The following EPN1 variants were observed in gnomAD, a reference collection of about 807,000 sequenced individuals.
EPN1 encodes epsin 1, also known as epsin-1.
In EPN1, 25 loss-of-function variants were observed where a neutral mutation model predicts 56.9. The observed-to-expected ratio is 0.44, with a 90% confidence interval of 0.32 to 0.61. The LOEUF (loss-of-function observed/expected upper bound fraction) is 0.61, where lower values mean the gene tolerates loss of function less well. EPN1 is among the 20% of genes least tolerant of loss of function. The pLI is 0.05. For synonymous variants in EPN1, 411 were observed against 361.8 expected (o/e 1.14, Z -1.54); for missense variants, 785 against 823.7 (o/e 0.95, Z 0.58).
At chr19:55,692,566 G>A in intron 7 of EPN1, 120 bp from the exon 8 acceptor site, 1 of 612,992 alleles carries the variant, frequency 1.6e-6, no homozygotes, top group Non-Finnish European at 2.8e-6. Context: ...GGGTGGGGTG[G>A]GTTTCTGGGG....
intron 7 of EPN1, 112 bp downstream of exon 7, chr19:55,692,169 G>T (rs1195923673): frequency 9.2e-7 from 1 of 1,084,914 alleles, no homozygotes. Context: ...GCAGTGGTGG[G>T]GCGTCCTGGG....
At position 55,691,989 on chromosome 19, in the gene EPN1, C is replaced by A; in HGVS notation, c.998C>A (p.Pro333His). The A allele has an allele frequency of 6.7e-7, 1 of 1,491,782 alleles. No homozygotes were observed. Among genetic ancestry groups the A allele is most frequent in the African/African-American group, 1.4e-5 (1 of 71,056 alleles). The allele number at this position is 1,491,782 out of a possible 1,614,324, so 92.4% of individuals were successfully genotyped here. ...GCCCCTGCAGGACCCTCAGTTGACCCTTGGGGTGGGACCCCAGCCCCTGCA... is the reference window on the plus strand; with the variant it reads ...GCCCCTGCAGGACCCTCAGTTGACCATTGGGGTGGGACCCCAGCCCCTGCA... The part of the protein sequence containing the change: ...PAAPAGPSVD[P>H]WGGTPAPAAG... Residue 333 changes from proline to histidine, a missense_variant, in exon 7 of 11, where the codon CCT (proline) becomes CAT (histidine). This residue lies in a region of EPN1 where 650 missense variants were observed against 605.0 expected (regional missense o/e 1.07). Coordinates refer to ENST00000270460, the MANE Select transcript of EPN1 (RefSeq NM_001130072.2). This position sits in a 1 kb window ranked among gnomAD's most constrained non-coding sequence, Gnocchi z 5.6.
rs374441284 is a variant in EPN1 at position 55,688,918 on chromosome 19, C to T, written c.527C>T (p.Ala176Val). 17 of 1,588,220 alleles carry T rather than the reference C, an allele frequency of 1.1e-5. No individual in the cohort carries two copies. Among genetic ancestry groups the T allele is most frequent in the African/African-American group, 1.3e-5 (1 of 74,548 alleles). The change falls in exon 4 of 11, where the codon GCG becomes GTG. Residue 176 changes from alanine to valine, a missense_variant. Around this residue, in one of 2 missense-constraint regions of EPN1, gnomAD observed 650 missense variants for 605.0 expected, o/e 1.07. Transcript: ENST00000270460. The stretch of plus-strand genomic sequence containing the variant: ...GGCCCCCCTCCCGAGGCGGAGCAGG[C>T]GTGGCCGCAGAGCAGCGGGGAGGAG... ...GSGPPPEAEQ[A>V]WPQSSGEEEL...
In EPN1 at chr19:55,691,930, C is replaced by T. The variant is rs1414916939; in HGVS notation, c.939C>T (p.Pro313=). The change falls in exon 7 of 11, where the codon CCC becomes CCT. Residue 313 remains proline (P), a synonymous_variant. Transcript: ENST00000270460. The surrounding 1 kb of genome is among the most constrained non-coding windows in gnomAD (Gnocchi z 5.6). Reference sequence around the variant, plus strand: ...CTGATCCCTGGGGAGGTCCAGCCCCCACGCCGGCCTCTGGGGACCCCTGGA... The same window carrying T: ...CTGATCCCTGGGGAGGTCCAGCCCCTACGCCGGCCTCTGGGGACCCCTGGA... ...PAADPWGGPA[P]TPASGDPWRP... 14 of 1,553,996 alleles carry T rather than the reference C, an allele frequency of 9.0e-6. No homozygotes were observed. The highest frequency in any genetic ancestry group is 1.9e-4 in the Middle Eastern group (1 of 5,194).
At chr19:55,692,103 C>T (rs779513410) in intron 7 of EPN1, 46 bp downstream of exon 7, 1 of 1,383,928 alleles carries the variant, frequency 7.2e-7, no homozygotes, top group Non-Finnish European at 9.3e-7. Context: ...CCTGTGTGCA[C>T]CTGTCTTTGG....
chr19:55,683,610 C>T (rs1985972611), intron 2 of EPN1, among the ~76,000 whole-genome samples: 1 of 152,248 alleles, frequency 6.6e-6, no homozygotes, highest in Admixed American at 6.5e-5. Flanking sequence ...GCCTCAGCCT[C>T]CCATAGTGCC....
intron 2 of EPN1, 76 bp downstream of exon 2, chr19:55,678,931 G>A: frequency 1.0e-6 from 1 of 988,470 alleles, no homozygotes; most frequent in East Asian, 2.4e-5. Context: ...TGTGCACCCT[G>A]CCTGGGATGG....
rs1166217411 is a variant in EPN1, at chr19:55,704,424, A to G, written c.*9068A>G. The G allele has an allele frequency of 1.3e-5, 2 of 152,212 alleles. No individual in the cohort carries two copies. The highest frequency in any genetic ancestry group is 1.5e-5 in the Non-Finnish European group (1 of 68,056). 9.4% of individuals were successfully genotyped at this position (152,212 alleles called of 1,614,324 possible). The stretch of plus-strand genomic sequence containing the variant: ...GGTCCTAATCCAATCTGACTGTTAT[A>G]TAGTGGGGTTGCACCTTCATGTGAG... On this transcript the variant is annotated 3_prime_UTR_variant, in exon 11 of 11. Coordinates refer to ENST00000270460, the MANE Select transcript of EPN1 (RefSeq NM_001130072.2).
At position 55,695,758 on chromosome 19, in the gene EPN1, G is replaced by A. The variant is rs964273993; in HGVS notation, c.*402G>A. On this transcript the variant is annotated 3_prime_UTR_variant, in exon 11 of 11. Coordinates refer to ENST00000270460, the MANE Select transcript of EPN1 (RefSeq NM_001130072.2). The surrounding 1 kb of genome is among the most constrained non-coding windows in gnomAD (Gnocchi z 4.4). ...TTTGGGAATAAATGGCAATTCCCAC[G>A]GGCTTGGCACTCCCAGATTCCCATC... 12 of 182,200 alleles carry A rather than the reference G, an allele frequency of 6.6e-5. No homozygotes were observed. The highest frequency in any genetic ancestry group is 9.1e-5 in the Non-Finnish European group (8 of 87,582). 11.3% of individuals were successfully genotyped at this position (182,200 alleles called of 1,614,324 possible). A position where few individuals can be genotyped will look rare whatever the true frequency, so the allele number is the denominator to read the frequency against.
chr19:55,689,794 C>G lies in EPN1; in HGVS notation c.679-73C>G. The G allele has an allele frequency of 2.1e-6, 3 of 1,419,540 alleles. No homozygotes were observed. Among genetic ancestry groups the G allele is most frequent in the Non-Finnish European group, 2.9e-6 (3 of 1,028,854 alleles). 87.9% of individuals were successfully genotyped at this position (1,419,540 alleles called of 1,614,324 possible). A position where few individuals can be genotyped will look rare whatever the true frequency, so the allele number is the denominator to read the frequency against. Reference sequence around the variant, plus strand: ...GTTGGGGTGGGAGGGGTTGCTGGGGCTTCCAGGCTGAGGTGGCATCTGCCC... The same window carrying G: ...GTTGGGGTGGGAGGGGTTGCTGGGGGTTCCAGGCTGAGGTGGCATCTGCCC... On this transcript the variant is annotated intron_variant, in intron 5 of 10. Coordinates refer to ENST00000270460, the MANE Select transcript of EPN1 (RefSeq NM_001130072.2). This position sits in a 1 kb window ranked among gnomAD's most constrained non-coding sequence, Gnocchi z 5.7.
chr19:55,685,735 C>A (rs924626142), intron 3 of EPN1, 90 bp downstream of exon 3: 6 of 1,488,228 alleles, frequency 4.0e-6, no homozygotes, highest in Non-Finnish European at 5.4e-6. Flanking sequence ...GCTTTCTCTC[C>A]CAGCCAGGAG....
At chr19:55,682,551 A>G (rs1236477870) in intron 2 of EPN1, among the ~76,000 whole-genome samples, 2 of 151,136 alleles carry the variant, frequency 1.3e-5, no homozygotes, top group African/African-American at 4.9e-5. Context: ...CCCAAGTAGC[A>G]GGGATGACAC....
chr19:55,678,408 C>T (rs1327454388), intron 1 of EPN1, 119 bp from the exon 2 acceptor site: 3 of 1,060,664 alleles, frequency 2.8e-6, no homozygotes, highest in Admixed American at 2.9e-5. Flanking sequence ...ACTTTGAGAC[C>T]TAGAGGTTAA....
At chr19:55,684,747 C>T (rs774622927) in intron 2 of EPN1, among the ~76,000 whole-genome samples, 2 of 152,158 alleles carry the variant, frequency 1.3e-5, no homozygotes, top group East Asian at 3.9e-4. Context: ...GTACTAAGAC[C>T]CCCTTCATTG....
chr19:55,692,450 C>T (rs1003076126), intron 7 of EPN1, among the ~76,000 whole-genome samples: 1 of 151,436 alleles, frequency 6.6e-6, no homozygotes, highest in Non-Finnish European at 1.5e-5. Context: ...GAGGGCTGGG[C>T]AGGTCTGGCA....
At position 55,708,376 on chromosome 19, in the gene EPN1, GAAT is replaced by G. The variant is rs1377968962; in HGVS notation, c.*13025_*13027del. 6.6e-6 allele frequency: 1 copy of G among 151,508 alleles called. No individual in the cohort carries two copies. The highest frequency in any genetic ancestry group is 1.5e-5 in the Non-Finnish European group (1 of 68,006). The allele number at this position is 151,508 out of a possible 1,614,324, so 9.4% of individuals were successfully genotyped here. A position where few individuals can be genotyped will look rare whatever the true frequency, so the allele number is the denominator to read the frequency against. ...AAATATAAACAGTGTAGATATATTT[GAAT>G]AATACTGAATTTTTAGAAAAATCTA... is the stretch of plus-strand genomic sequence containing the variant. On this transcript the variant is annotated 3_prime_UTR_variant, in exon 11 of 11. Transcript: ENST00000270460.
intron 1 of EPN1, among the ~76,000 whole-genome samples, chr19:55,675,736 C>T (rs528643927): frequency 2.0e-5 from 3 of 152,260 alleles, no homozygotes; most frequent in South Asian, 2.1e-4. Flanking sequence ...TCTCTCTCTC[C>T]TCTGTCTGTC....
At position 55,691,925 on chromosome 19, in the gene EPN1, GCCC is replaced by G. The variant is rs768946948; in HGVS notation, c.937_939del (p.Pro313del). On this transcript the variant is annotated inframe_deletion, in exon 7 of 11. Coordinates refer to ENST00000270460, the MANE Select transcript of EPN1 (RefSeq NM_001130072.2). The surrounding 1 kb of genome is among the most constrained non-coding windows in gnomAD (Gnocchi z 5.6). Reference sequence around the variant, plus strand: ...AGCTGCTGATCCCTGGGGAGGTCCAGCCCCCACGCCGGCCTCTGGGGACCCCTG... The same window carrying G: ...AGCTGCTGATCCCTGGGGAGGTCCAGCCACGCCGGCCTCTGGGGACCCCTG... 2.8e-5 allele frequency: 44 copies of G among 1,558,156 alleles called. No homozygotes were observed. The highest frequency in any genetic ancestry group is 3.6e-5 in the Non-Finnish European group (42 of 1,153,360).
chr19:55,687,199 G>A (rs1262153313), intron 3 of EPN1, among the ~76,000 whole-genome samples: 1 of 152,160 alleles, frequency 6.6e-6, no homozygotes, highest in Non-Finnish European at 1.5e-5. Flanking sequence ...AAAATGTAAA[G>A]GCCTTTCTTA....
Sources: allele counts gnomAD v4.1 joint callset (sites outside exome capture counted in the v4.1 genomes callset), GRCh38; gene constraint gnomAD v4.1.1; regional missense constraint gnomAD v4.1.1; non-coding constraint Gnocchi (gnomAD v3.1); transcripts MANE v1.5; gene names NCBI Gene and HGNC (gene_info 2026-07-23, HGNC 2026-07-21).